The following UGT1A5 variants were observed in gnomAD, a reference collection of about 807,000 sequenced individuals.
The protein encoded by UGT1A5 is UDP glucuronosyltransferase family 1 member A5.
UGT1A5 carries 29 observed loss-of-function variants against 40.3 expected under a neutral mutation model. The observed-to-expected ratio is 0.72, with a 90% CI of 0.54 to 0.98. The LOEUF (loss-of-function observed/expected upper bound fraction) is 0.98, where lower values mean the gene tolerates loss of function less well. UGT1A5 is among the 50% of genes least tolerant of loss of function. The probability of loss-of-function intolerance (pLI) is 0.00; values close to 1 mark genes in which losing one functional copy is unlikely to be tolerated. For synonymous variants in UGT1A5, 257 were observed against 262.5 expected, an observed-to-expected ratio of 0.98 and a Z score of 0.20; for missense variants, 678 against 677.9, an observed-to-expected ratio of 1.00 and a Z score of 0.00.
At chr2:233,719,881 G>A (rs1265603009) in intron 1 of UGT1A5, among the ~76,000 whole-genome samples, 1 of 152,192 alleles carries the variant, frequency 6.6e-6, no homozygotes, top group East Asian at 1.9e-4. Flanking sequence ...AAGAGGCACG[G>A]ATGAGGGTCT....
At chr2:233,760,974 G>C in intron 1 of UGT1A5, 1 of 1,614,120 alleles carries the variant, frequency 6.2e-7, no homozygotes, top group Non-Finnish European at 8.5e-7. Flanking sequence ...TTTATTCCCC[G>C]TATGCAACCC....
chr2:233,734,166 G>A (rs959172847), intron 1 of UGT1A5, among the ~76,000 whole-genome samples: 2 of 151,962 alleles, frequency 1.3e-5, no homozygotes, highest in Non-Finnish European at 2.9e-5. Flanking sequence ...GACTTTTTTT[G>A]GTTGGTAGGC....
At chr2:233,753,903 T>TA in intron 1 of UGT1A5, among the ~76,000 whole-genome samples, 1 of 152,344 alleles carries the variant, frequency 6.6e-6, no homozygotes, top group East Asian at 1.9e-4. Flanking sequence ...ACATGCTTCT[T>TA]ACACCGATTT....
At chr2:233,764,986 G>A (rs1698720585) in intron 1 of UGT1A5, among the ~76,000 whole-genome samples, 1 of 152,106 alleles carries the variant, frequency 6.6e-6, no homozygotes. Flanking sequence ...CAGTGTCTGG[G>A]GCTTTCCTGG....
In UGT1A5 at chr2:233,768,295, C is replaced by G; in HGVS notation, c.1163C>G (p.Pro388Arg). The part of the protein sequence containing the change: ...GVYESICNGV[P>R]MVMMPLFGDQ... ...TATGAAAGCATATGCAATGGCGTTC[C>G]CATGGTGATGATGCCCTTGTTTGGT... The change falls in exon 4 of 5, where the codon CCC (proline) becomes CGC (arginine). Residue 388 changes from proline (P) to arginine (R), a missense_variant. Physicochemically the swap from Pro to Arg is moderately radical, Grantham distance 103 (BLOSUM62 -2). Transcript: ENST00000373414. 6.2e-7 allele frequency: 1 copy of G among 1,614,158 alleles called. No individual in the cohort carries two copies. Among genetic ancestry groups the G allele is most frequent in the Admixed American group, 1.7e-5 (1 of 60,024 alleles).
chr2:233,772,248 G>C lies in UGT1A5; in HGVS notation c.1308-14G>C. 2 of 1,614,220 alleles carry C rather than the reference G, an allele frequency of 1.2e-6. No homozygotes were observed. Among genetic ancestry groups the C allele is most frequent in the Non-Finnish European group, 1.7e-6 (2 of 1,180,034 alleles). ...CAGGTGTTCCAGGCATAACGAAACT[G>C]TCTTTGTGTTTAGTTACAAGGAGAA... On this transcript the variant is annotated splice_polypyrimidine_tract_variant and intron_variant, in intron 4 of 4. Transcript: ENST00000373414.
At chr2:233,744,688 T>C (rs1692891145) in intron 1 of UGT1A5, among the ~76,000 whole-genome samples, 1 of 151,894 alleles carries the variant, frequency 6.6e-6, no homozygotes, top group Admixed American at 6.5e-5. Flanking sequence ...ATGTAGCTTC[T>C]GGAAAACTCC....
chr2:233,729,735 C>A, intron 1 of UGT1A5: 1 of 1,614,000 alleles, frequency 6.2e-7, no homozygotes, highest in South Asian at 1.1e-5. Context: ...CCAATTCAGA[C>A]CACATGACAT....
intron 1 of UGT1A5, among the ~76,000 whole-genome samples, chr2:233,758,432 C>A (rs1404622059): frequency 6.6e-6 from 1 of 152,194 alleles, no homozygotes; most frequent in African/African-American, 2.4e-5. Flanking sequence ...TGAACTCACA[C>A]AGCATTGGGA....
chr2:233,737,994 C>T (rs1435641802), intron 1 of UGT1A5, among the ~76,000 whole-genome samples: 1 of 151,970 alleles, frequency 6.6e-6, no homozygotes. Flanking sequence ...CTCTGTGTCC[C>T]CCACCAAATC....
chr2:233,737,696 C>T (rs2078911570), intron 1 of UGT1A5, among the ~76,000 whole-genome samples: 1 of 152,160 alleles, frequency 6.6e-6, no homozygotes, highest in African/African-American at 2.4e-5. Context: ...GGTGCTGAAG[C>T]TTCCGTTCTC....
intron 1 of UGT1A5, among the ~76,000 whole-genome samples, chr2:233,764,487 A>G (rs115581914): frequency 4.6e-5 from 7 of 152,316 alleles, no homozygotes; most frequent in African/African-American, 1.4e-4. Context: ...TCGAATGTTT[A>G]TGGACCTGTG....
At chr2:233,714,923 C>A (rs532200319) in intron 1 of UGT1A5, among the ~76,000 whole-genome samples, 1 of 152,298 alleles carries the variant, frequency 6.6e-6, no homozygotes, top group Admixed American at 6.5e-5. Context: ...GTCACCCAGT[C>A]TGGAGTGCAG....
At chr2:233,755,154 C>CT in intron 1 of UGT1A5, 2 of 1,296,006 alleles carry the variant, frequency 1.5e-6, no homozygotes, top group Non-Finnish European at 2.1e-6. Flanking sequence ...CGCTTCCTCC[C>CT]TGTCCTCGGG....
At chr2:233,719,602 T>C (rs764921647) in intron 1 of UGT1A5, 45 of 1,614,062 alleles carry the variant, frequency 2.8e-5, no homozygotes, top group Admixed American at 5.0e-5. Flanking sequence ...CGAGGGGACT[T>C]TGTGATGGAC....
Position 233,743,942 on chromosome 2 carries a change from G to A in UGT1A5, c.868-23092G>A, listed in dbSNP as rs1297528257. On this transcript the variant is annotated intron_variant, in intron 1 of 4. Coordinates refer to ENST00000373414, the MANE Select transcript of UGT1A5 (RefSeq NM_019078.2). ...GCTGGATGGCCAGAACGGCCCACCA[G>A]GCACTGGCACAGCGAGCGGCAAGGC... 3 of 1,352,602 alleles carry A rather than the reference G, an allele frequency of 2.2e-6. No individual in the cohort carries two copies. The African/African-American group carries it at 4.5e-5, about 20-fold the overall frequency. The allele number at this position is 1,352,602 out of a possible 1,614,324, so 83.8% of individuals were successfully genotyped here.
At position 233,713,135 on chromosome 2, in the gene UGT1A5, G is replaced by A. The variant is rs772419709; in HGVS notation, c.144G>A (p.Leu48=). The A allele has an allele frequency of 3.1e-6, 5 of 1,614,098 alleles. No homozygotes were observed. The highest frequency in any genetic ancestry group is 1.3e-5 in the African/African-American group (1 of 74,930). The change falls in exon 1 of 5, where the codon TTG becomes TTA. Residue 48 remains leucine (L), a synonymous_variant. Transcript: ENST00000373414. The part of the protein sequence containing the change: ...GSHWLSMREA[L]RDLHARGHQV... ...ACTGGCTCAGCATGCGGGAGGCCTT[G>A]CGGGACCTCCATGCGAGAGGCCACC...
chr2:233,725,184 GCA>G lies in UGT1A5; in HGVS notation c.867+11327_867+11328del, dbSNP rs1575560324. ...CATGAGAGGGAGACCGTGGGGAGAG[GCA>G]GAGGCAGAGGCAGAGGCAGAGGCAG... On this transcript the variant is annotated intron_variant, in intron 1 of 4. Transcript: ENST00000373414. Among the ~76,000 whole-genome samples, 4 of 89,466 alleles carry G rather than the reference GCA, an allele frequency of 4.5e-5. 2 individuals are homozygous for G. The highest frequency in any genetic ancestry group is 1.9e-4 in the Admixed American group (2 of 10,264). 58.7% of individuals were successfully genotyped at this position (89,466 alleles called of 152,430 possible).
rs1178608845 is a variant in UGT1A5, at chr2:233,760,418, T to A, written c.868-6616T>A. The A allele has an allele frequency of 8.7e-6, 14 of 1,614,198 alleles. No homozygotes were observed. The highest frequency in any genetic ancestry group is 1.1e-5 in the Non-Finnish European group (13 of 1,180,018). On this transcript the variant is annotated intron_variant, in intron 1 of 4. Transcript: ENST00000373414. ...GATGGCAGCCACTGGCTGAGCATGC[T>A]TGGGGCCATCCAGCAGCTGCAGCAG...
Sources: gnomAD v4.1 joint callset for allele counts (sites outside exome capture counted in the v4.1 genomes callset) on GRCh38, gnomAD v4.1.1 for gene constraint, MANE v1.5 for transcripts, NCBI Gene and HGNC (gene_info 2026-07-23, HGNC 2026-07-21) for gene names.